The following PTPRC variants were observed in gnomAD, a reference collection of about 807,000 sequenced individuals.
PTPRC encodes protein tyrosine phosphatase receptor type C, also known as receptor-type tyrosine-protein phosphatase C.
PTPRC carries 44 observed loss-of-function variants against 155.9 expected under a neutral mutation model. That is an observed-to-expected ratio of 0.28 (90% CI 0.22 to 0.36). The LOEUF is 0.36. Ranked by LOEUF, PTPRC falls within the 10% of genes least tolerant of loss-of-function variation. The probability of loss-of-function intolerance (pLI) is 1.00; values close to 1 mark genes in which losing one functional copy is unlikely to be tolerated. For synonymous variants in PTPRC, 525 were observed against 533.1 expected (o/e 0.98, Z 0.21); for missense variants, 1,401 against 1,564.6 (o/e 0.90, Z 1.76).
chr1:198,708,851 C>T (rs966839944), intron 10 of PTPRC, among the ~76,000 whole-genome samples: 1 of 152,162 alleles, frequency 6.6e-6, no homozygotes, highest in African/African-American at 2.4e-5. Context: ...ACTCTCCCAC[C>T]CTTTGACTTA....
At chr1:198,693,494 G>A (rs1260691878) in intron 3 of PTPRC, among the ~76,000 whole-genome samples, 1 of 152,142 alleles carries the variant, frequency 6.6e-6, no homozygotes, top group Non-Finnish European at 1.5e-5. Context: ...GGTAGAATGG[G>A]GAGTGATTCT....
At chr1:198,684,947 A>G (rs1665537067) in intron 2 of PTPRC, among the ~76,000 whole-genome samples, 1 of 152,044 alleles carries the variant, frequency 6.6e-6, no homozygotes, top group Non-Finnish European at 1.5e-5. Flanking sequence ...GCCTCAATAA[A>G]GGGATGTTGA....
chr1:198,737,651 T>C (rs1171485096), intron 23 of PTPRC, among the ~76,000 whole-genome samples: 2 of 151,840 alleles, frequency 1.3e-5, no homozygotes, highest in Non-Finnish European at 2.9e-5. Flanking sequence ...TCTGGGTCTT[T>C]TGTGGTTTCA....
chr1:198,717,347 A>G (rs758036308), intron 13 of PTPRC, among the ~76,000 whole-genome samples: 1 of 152,148 alleles, frequency 6.6e-6, no homozygotes, highest in Non-Finnish European at 1.5e-5. Context: ...TTTCCTTTCA[A>G]TGGCATTTGG....
rs565654064 is a variant in PTPRC, at chr1:198,651,220, T to C, written c.73+11879T>C. On this transcript the variant is annotated intron_variant, in intron 2 of 32. Transcript: ENST00000442510. ...GCAAAGGTAATGCTCTGTTGAACCA[T>C]TTTGTAGCTTATGTTTTGTTTTGAT... is the stretch of plus-strand genomic sequence containing the variant. Among the ~76,000 whole-genome samples the C allele has an allele frequency of 6.6e-5, 10 of 151,764 alleles. No homozygotes were observed. In the East Asian group the frequency reaches 1.9e-3, roughly 30 times the overall value.
intron 8 of PTPRC, among the ~76,000 whole-genome samples, chr1:198,705,421 GTTCT>G (rs1319312848): frequency 4.7e-5 from 7 of 148,166 alleles, no homozygotes; most frequent in African/African-American, 9.9e-5. Flanking sequence ...TCATTCGTTA[GTTCT>G]TTCTTTCTTT....
rs1443356733 is a variant in PTPRC, at chr1:198,703,328, C to T, written c.614C>T (p.Thr205Ile). Residue 205 changes from threonine (T) to isoleucine (I), a missense_variant, in exon 7 of 33, where the codon ACT becomes ATT. By Grantham distance (89) the Thr-to-Ile change is moderately conservative. Transcript: ENST00000442510. Reference sequence around the variant, plus strand: ...TACCTTAATGCCTCTGAAACAACCACTCTGAGCCCTTCTGGAAGCGCTGTC... The same window carrying T: ...TACCTTAATGCCTCTGAAACAACCATTCTGAGCCCTTCTGGAAGCGCTGTC... ...DAYLNASETTTLSPSGSAVIS... is the reference protein window; with the variant it reads ...DAYLNASETTILSPSGSAVIS... 1 of 1,613,342 alleles carries T rather than the reference C, an allele frequency of 6.2e-7. No homozygotes were observed. The highest frequency in any genetic ancestry group is 8.5e-7 in the Non-Finnish European group (1 of 1,180,030).
intron 2 of PTPRC, among the ~76,000 whole-genome samples, chr1:198,645,745 A>G (rs1662905111): frequency 6.6e-6 from 1 of 151,810 alleles, no homozygotes; most frequent in African/African-American, 2.4e-5. Context: ...ATAGAGGCAT[A>G]ATCCCTTATA....
At chr1:198,671,008 C>A (rs1459097174) in intron 2 of PTPRC, among the ~76,000 whole-genome samples, 1 of 151,854 alleles carries the variant, frequency 6.6e-6, no homozygotes, top group Non-Finnish European at 1.5e-5. Context: ...AGGTGATGTA[C>A]AAAAACTTTA....
At chr1:198,740,329 G>A (rs1654841439) in intron 23 of PTPRC, among the ~76,000 whole-genome samples, 1 of 151,888 alleles carries the variant, frequency 6.6e-6, no homozygotes, top group Non-Finnish European at 1.5e-5. Flanking sequence ...TGTAATCCCA[G>A]TACTTTAAGA....
In PTPRC at chr1:198,749,540, T is replaced by G. The variant is rs1295175968; in HGVS notation, c.3063T>G (p.Ser1021=). The G allele has an allele frequency of 6.2e-7, 1 of 1,610,748 alleles. No individual in the cohort carries two copies. The highest frequency in any genetic ancestry group is 1.1e-5 in the South Asian group (1 of 91,030). Residue 1021 remains serine, a synonymous_variant, in exon 28 of 33, where the codon TCT becomes TCG. Coordinates refer to ENST00000442510, the MANE Select transcript of PTPRC (RefSeq NM_002838.5). ...SEEPSKYINA[S]FIMSYWKPEV... is the part of the protein sequence containing the mutation. ...AACCAAGCAAATACATCAATGCATCTTTTATAATGGTAGGTACTTAAATTG... is the reference window on the plus strand; with the variant it reads ...AACCAAGCAAATACATCAATGCATCGTTTATAATGGTAGGTACTTAAATTG...
At chr1:198,745,877 A>G (rs963817885) in intron 26 of PTPRC, among the ~76,000 whole-genome samples, 4 of 151,860 alleles carry the variant, frequency 2.6e-5, no homozygotes, top group African/African-American at 9.7e-5. Context: ...GGAGACTTTG[A>G]TAGAATTACA....
At chr1:198,681,170 C>T (rs879309748) in intron 2 of PTPRC, among the ~76,000 whole-genome samples, 390 of 152,126 alleles carry the variant, frequency 2.6e-3, no homozygotes, top group Admixed American at 4.4e-3. Context: ...AAAAGGATCT[C>T]ATGATCCTTT....
At chr1:198,646,253 T>A (rs1408916605) in intron 2 of PTPRC, among the ~76,000 whole-genome samples, 1 of 151,842 alleles carries the variant, frequency 6.6e-6, no homozygotes, top group Non-Finnish European at 1.5e-5. Flanking sequence ...TCACTTTCAT[T>A]TAATTTTTAC....
rs764008433 is a variant in PTPRC at position 198,696,921 on chromosome 1, A to G, written c.298+12A>G. 5.0e-6 allele frequency: 8 copies of G among 1,602,826 alleles called. No homozygotes were observed. The African/African-American group carries it at 1.1e-4, about 21-fold the overall frequency. Reference sequence around the variant, plus strand: ...TTTTAATACCACAGGTTGGCACACAAAAGTTGTTAACTTAAATATCAGGGA... The same window carrying G: ...TTTTAATACCACAGGTTGGCACACAGAAGTTGTTAACTTAAATATCAGGGA... On this transcript the variant is annotated intron_variant, in intron 4 of 32. Coordinates refer to ENST00000442510, the MANE Select transcript of PTPRC (RefSeq NM_002838.5).
At chr1:198,684,196 C>T (rs1365220269) in intron 2 of PTPRC, among the ~76,000 whole-genome samples, 1 of 150,276 alleles carries the variant, frequency 6.7e-6, no homozygotes, top group Non-Finnish European at 1.5e-5. Context: ...TATCTAGTAG[C>T]CTTTATTAAT....
chr1:198,725,971 T>C (rs950392222), intron 15 of PTPRC, among the ~76,000 whole-genome samples: 2 of 152,182 alleles, frequency 1.3e-5, no homozygotes, highest in African/African-American at 4.8e-5. Flanking sequence ...GCATTTTCAG[T>C]TTTTTAATAT....
intron 25 of PTPRC, among the ~76,000 whole-genome samples, chr1:198,743,067 C>CAAAAAAAAAAAAAAAAAAAAAA (rs10628640): frequency 1.3e-5 from 1 of 75,952 alleles, no homozygotes; most frequent in Non-Finnish European, 2.5e-5. Context: ...GTCAAAATAG[C>CAAAAAAAAAAAAAAAAAAAAAA]AAAAAAAAAA....
rs904577980 is a variant in PTPRC, at chr1:198,718,216, G to A, written c.1573G>A (p.Gly525Arg). 1 of 1,614,016 alleles carries A rather than the reference G, an allele frequency of 6.2e-7. No homozygotes were observed. The highest frequency in any genetic ancestry group is 1.3e-5 in the African/African-American group (1 of 74,994). ...HERYHLEVEA[G>R]NTLVRNESHK... ...ACGTTACCATTTGGAAGTTGAAGCT[G>A]GAAATACTCTGGTTAGAAATGAGTC... Residue 525 changes from glycine (G) to arginine (R), a missense_variant, in exon 14 of 33, where the codon GGA becomes AGA. Gly to Arg is a moderately radical substitution (Grantham distance 125). Coordinates refer to ENST00000442510, the MANE Select transcript of PTPRC (RefSeq NM_002838.5).
Sources: allele counts gnomAD v4.1 joint callset (sites outside exome capture counted in the v4.1 genomes callset), GRCh38; gene constraint gnomAD v4.1.1; transcripts MANE v1.5; gene names NCBI Gene and HGNC (gene_info 2026-07-23, HGNC 2026-07-21).